The following CYSLTR2 variants were observed in gnomAD, a reference collection of about 807,000 sequenced individuals.
CYSLTR2 encodes G-protein coupled receptor GPCR21.
For synonymous variants in CYSLTR2, 179 were observed against 160.8 expected, an observed-to-expected ratio of 1.11 and a Z score of -0.86; for missense variants, 398 against 411.9, an observed-to-expected ratio of 0.97 and a Z score of 0.29.
chr13:48,669,294 T>A (rs1044854334), intron 1 of CYSLTR2, among the ~76,000 whole-genome samples: 5 of 151,814 alleles, frequency 3.3e-5, no homozygotes, highest in African/African-American at 4.8e-5. Context: ...TTTTTTTTTT[T>A]TAATTTAAGT....
intron 1 of CYSLTR2, among the ~76,000 whole-genome samples, chr13:48,682,504 A>G (rs1464159339): frequency 1.3e-5 from 2 of 152,100 alleles, no homozygotes; most frequent in Non-Finnish European, 2.9e-5. Flanking sequence ...AATTCACCTT[A>G]CAATCTAAGC....
chr13:48,673,081 G>C (rs987586254), intron 1 of CYSLTR2, among the ~76,000 whole-genome samples: 10 of 152,192 alleles, frequency 6.6e-5, no homozygotes, highest in Non-Finnish European at 1.5e-5. Context: ...TGTCTATTCT[G>C]TTGATTTGGG....
rs538983015 is a variant in CYSLTR2, at chr13:48,681,931, C to G, written c.-265-9281C>G. ...CTGTAAGCTTTCCCTAAGATTCTAACAGAATCTTGGCTTTAAAGTTAGGTT... is the reference window on the plus strand; with the variant it reads ...CTGTAAGCTTTCCCTAAGATTCTAAGAGAATCTTGGCTTTAAAGTTAGGTT... On this transcript the variant is annotated intron_variant, in intron 1 of 4. Coordinates refer to ENST00000682523, the MANE Select transcript of CYSLTR2 (RefSeq NM_001308476.3). 3.9e-5 allele frequency among the ~76,000 whole-genome samples: 6 copies of G among 152,306 alleles called. No homozygotes were observed. In the South Asian group the frequency reaches 1.2e-3, roughly 32 times the overall value.
In CYSLTR2 at chr13:48,695,068, A is replaced by ATTTTTTTTTTTTTTTTTTTTTTTTTTTT. The variant is rs869282546; in HGVS notation, c.-102-1432_-102-1431insTTTTTTTTTTTTTTTTTTTTTTTTTTTT. Reference sequence around the variant, plus strand: ...AGACCATGGTATATCAGAACCTGGCATTTTTTTTTTTTTTTTTTTTTTTTT... The same window carrying ATTTTTTTTTTTTTTTTTTTTTTTTTTTT: ...AGACCATGGTATATCAGAACCTGGCATTTTTTTTTTTTTTTTTTTTTTTTTTTTTTTTTTTTTTTTTTTTTTTTTTTTT... On this transcript the variant is annotated intron_variant, in intron 3 of 4. Coordinates refer to ENST00000682523, the MANE Select transcript of CYSLTR2 (RefSeq NM_001308476.3). Among the ~76,000 whole-genome samples, 11 of 71,606 alleles carry ATTTTTTTTTTTTTTTTTTTTTTTTTTTT rather than the reference A, an allele frequency of 1.5e-4. 3 individuals carry two copies. Among genetic ancestry groups the ATTTTTTTTTTTTTTTTTTTTTTTTTTTT allele is most frequent in the African/African-American group, 6.8e-4 (11 of 16,250 alleles). 47.0% of individuals were successfully genotyped at this position (71,606 alleles called of 152,430 possible).
chr13:48,703,944 C>T (rs773199104), intron 4 of CYSLTR2, among the ~76,000 whole-genome samples: 2 of 152,034 alleles, frequency 1.3e-5, no homozygotes, highest in Middle Eastern at 3.2e-3. Flanking sequence ...ATTTAATGTT[C>T]GGTGAGTTAT....
At chr13:48,664,619 CATGGTAGT>C (rs1953214515) in intron 1 of CYSLTR2, among the ~76,000 whole-genome samples, 2 of 151,902 alleles carry the variant, frequency 1.3e-5, no homozygotes, top group Admixed American at 6.6e-5. Context: ...TATAATTGTT[CATGGTAGT>C]ATGGTAGTCT....
rs146237625 is a variant in CYSLTR2 at position 48,696,242 on chromosome 13, C to T, written c.-102-284C>T. Among the ~76,000 whole-genome samples, 671 of 152,202 alleles carry T rather than the reference C, an allele frequency of 4.4e-3. 3 individuals carry two copies. The highest frequency in any genetic ancestry group is 0.014 in the Middle Eastern group (4 of 294). On this transcript the variant is annotated intron_variant, in intron 3 of 4. Coordinates refer to ENST00000682523, the MANE Select transcript of CYSLTR2 (RefSeq NM_001308476.3). ...TGCACATTTTCTAATTGGAGTTTTT[C>T]ATTTGTTTGCTTGTTTTACTGTTGA...
intron 4 of CYSLTR2, 53 bp from the exon 5 acceptor site, chr13:48,706,764 G>GA: frequency 7.0e-7 from 1 of 1,426,550 alleles, no homozygotes; most frequent in Non-Finnish European, 9.6e-7. Context: ...AAGCAAGAAG[G>GA]AAAAAGGGAA....
intron 1 of CYSLTR2, among the ~76,000 whole-genome samples, chr13:48,670,457 A>G (rs1389913248): frequency 6.6e-6 from 1 of 152,138 alleles, no homozygotes; most frequent in South Asian, 2.1e-4. Context: ...TTTTTGTATA[A>G]GGTGTAAGGG....
chr13:48,692,986 AGTTAAGG>A (rs1302704285), intron 2 of CYSLTR2, among the ~76,000 whole-genome samples: 1 of 151,876 alleles, frequency 6.6e-6, no homozygotes, highest in African/African-American at 2.4e-5. Flanking sequence ...CCTTAAAGTT[AGTTAAGG>A]ATCAGGAAAT....
chr13:48,710,870 G>A lies in CYSLTR2; in HGVS notation c.*3012G>A, dbSNP rs903364154. On this transcript the variant is annotated 3_prime_UTR_variant, in exon 5 of 5. Coordinates refer to ENST00000682523, the MANE Select transcript of CYSLTR2 (RefSeq NM_001308476.3). ...GGAATGCAACTCCCACAGATAAGGGGGTGCTGCTGGAGTGAAATACTGTGA... is the reference window on the plus strand; with the variant it reads ...GGAATGCAACTCCCACAGATAAGGGAGTGCTGCTGGAGTGAAATACTGTGA... 7.2e-5 allele frequency: 11 copies of A among 152,160 alleles called. No homozygotes were observed. Among genetic ancestry groups the A allele is most frequent in the Admixed American group, 7.2e-4 (11 of 15,254 alleles). The allele number at this position is 152,160 out of a possible 1,614,324, so 9.4% of individuals were successfully genotyped here.
chr13:48,670,226 T>C (rs1191500239), intron 1 of CYSLTR2, among the ~76,000 whole-genome samples: 3 of 152,210 alleles, frequency 2.0e-5, no homozygotes, highest in African/African-American at 2.4e-5. Flanking sequence ...ATTCTGTAGG[T>C]TGCCTGTTCA....
intron 1 of CYSLTR2, among the ~76,000 whole-genome samples, chr13:48,671,144 C>A (rs1953418231): frequency 6.6e-6 from 1 of 152,176 alleles, no homozygotes; most frequent in South Asian, 2.1e-4. Context: ...TGAGACTTTG[C>A]TGAAGGTGCT....
intron 4 of CYSLTR2, among the ~76,000 whole-genome samples, chr13:48,698,198 C>T (rs1954246718): frequency 6.6e-6 from 1 of 152,112 alleles, no homozygotes; most frequent in Admixed American, 6.5e-5. Flanking sequence ...TCGAGAAGAG[C>T]AACTCCAAGA....
chr13:48,677,337 G>A (rs2138876758), intron 1 of CYSLTR2, among the ~76,000 whole-genome samples: 1 of 151,988 alleles, frequency 6.6e-6, no homozygotes, highest in East Asian at 1.9e-4. Context: ...AGAAGATAAT[G>A]ACCAAAAAAC....
rs1160431824 is a variant in CYSLTR2 at position 48,711,147 on chromosome 13, C to T, written c.*3289C>T. The T allele has an allele frequency of 6.6e-6, 1 of 152,068 alleles. No individual in the cohort carries two copies. Among genetic ancestry groups the T allele is most frequent in the African/African-American group, 2.4e-5 (1 of 41,390 alleles). 9.4% of individuals were successfully genotyped at this position (152,068 alleles called of 1,614,324 possible). ...ATAGGGTGGGGACTTATTTTACGAA[C>T]TGTGTAATTGCCTAACTTGTGAATA... On this transcript the variant is annotated 3_prime_UTR_variant, in exon 5 of 5. Coordinates refer to ENST00000682523, the MANE Select transcript of CYSLTR2 (RefSeq NM_001308476.3).
rs1424436563 is a variant in CYSLTR2 at position 48,693,515 on chromosome 13, C to T, written c.-103+5C>T. On this transcript the variant is annotated splice_donor_5th_base_variant and intron_variant, in intron 3 of 4. Transcript: ENST00000682523. ...GTGAATGGGTCATTTGATAAGGTAACGATTAATTTCTGAAGACAGGGGAAA... is the reference window on the plus strand; with the variant it reads ...GTGAATGGGTCATTTGATAAGGTAATGATTAATTTCTGAAGACAGGGGAAA... 6.8e-6 allele frequency: 1 copy of T among 147,772 alleles called. No homozygotes were observed. Among genetic ancestry groups the T allele is most frequent in the Non-Finnish European group, 1.5e-5 (1 of 67,332 alleles). The allele number at this position is 147,772 out of a possible 1,614,324, so 9.2% of individuals were successfully genotyped here.
intron 1 of CYSLTR2, among the ~76,000 whole-genome samples, chr13:48,673,433 C>CTTTTTTTTTTTTTTTTTTTTTTTTTT (rs61699943): frequency 2.1e-5 from 1 of 48,276 alleles, no homozygotes; most frequent in Non-Finnish European, 3.7e-5. Flanking sequence ...GTAACCCCGG[C>CTTTTTTTTTTTTTTTTTTTTTTTTTT]TTTTTTTTTT....
intron 1 of CYSLTR2, among the ~76,000 whole-genome samples, chr13:48,673,110 G>T (rs1953487290): frequency 6.6e-6 from 1 of 152,174 alleles, no homozygotes; most frequent in African/African-American, 2.4e-5. Flanking sequence ...TTCTGTAGAT[G>T]TCTATTAGGT....
Sources: gnomAD v4.1 joint callset for allele counts (sites outside exome capture counted in the v4.1 genomes callset) on GRCh38, gnomAD v4.1.1 for gene constraint, MANE v1.5 for transcripts, NCBI Gene and HGNC (gene_info 2026-07-23, HGNC 2026-07-21) for gene names.